The following DPP6 variants were observed in gnomAD, a reference collection of about 807,000 sequenced individuals.
The protein encoded by DPP6 is A-type potassium channel modulatory protein DPP6.
DPP6 carries 69 observed loss-of-function variants against 122.6 expected under a neutral mutation model. The observed-to-expected ratio is 0.56, with a 90% CI of 0.46 to 0.69. The LOEUF is 0.69. Ranked by LOEUF, DPP6 falls within the 30% of genes least tolerant of loss-of-function variation. DPP6 has a pLI of 0.00. For missense variants in DPP6, 928 were observed against 1,116.9 expected, an observed-to-expected ratio of 0.83 and a Z score of 2.41; for synonymous variants, 418 against 433.1, an observed-to-expected ratio of 0.97 and a Z score of 0.43.
Position 154,106,138 on chromosome 7 carries a change from A to G in DPP6, c.243+53075A>G, listed in dbSNP as rs1806146445. Among the ~76,000 whole-genome samples, 7 of 151,250 alleles carry G rather than the reference A, an allele frequency of 4.6e-5. No individual in the cohort carries two copies. In the South Asian group the frequency reaches 1.5e-3, roughly 32 times the overall value. On this transcript the variant is annotated intron_variant, in intron 1 of 25. Coordinates refer to ENST00000377770, the MANE Select transcript of DPP6 (RefSeq NM_130797.4). ...GCCTATGCGCCCTTGTTTCTTACTCAGAGATAAAAGTTCATTCAGAAAACA... is the reference window on the plus strand; with the variant it reads ...GCCTATGCGCCCTTGTTTCTTACTCGGAGATAAAAGTTCATTCAGAAAACA...
chr7:153,986,114 C>G (rs74840812), intron 1 of DPP6, among the ~76,000 whole-genome samples: 15,628 of 152,256 alleles, frequency 0.1, 1,061 homozygotes, highest in Middle Eastern at 0.16. Context: ...GTTACACATT[C>G]TGATGTCCGA....
Position 154,585,867 on chromosome 7 carries a change from T to TGGGGCGGGAGCCTACAGGAAGCTG in DPP6, c.627+18953_627+18976dup, listed in dbSNP as rs1444295500. 2.1e-3 allele frequency among the ~76,000 whole-genome samples: 316 copies of TGGGGCGGGAGCCTACAGGAAGCTG among 152,186 alleles called. 2 individuals are homozygous for TGGGGCGGGAGCCTACAGGAAGCTG. The highest frequency in any genetic ancestry group is 7.4e-3 in the African/African-American group (306 of 41,514). ...ACTGTAATTCTGAAGGAGGGGGCTT[T>TGGGGCGGGAGCCTACAGGAAGCTG]GGGGCGGGAGCCTACAGGAAGCTGG... On this transcript the variant is annotated intron_variant, in intron 5 of 25. Transcript: ENST00000377770.
rs553336702 is a variant in DPP6, at chr7:154,107,156, T to A, written c.243+54093T>A. On this transcript the variant is annotated intron_variant, in intron 1 of 25. Coordinates refer to ENST00000377770, the MANE Select transcript of DPP6 (RefSeq NM_130797.4). ...ACTCCCATGCTCACTGCAGCACTGTTCTGGATGGCCAGGATATGGAAACAT... is the reference window on the plus strand; with the variant it reads ...ACTCCCATGCTCACTGCAGCACTGTACTGGATGGCCAGGATATGGAAACAT... Among the ~76,000 whole-genome samples, 136 of 152,314 alleles carry A rather than the reference T, an allele frequency of 8.9e-4. 2 individuals carry two copies. In the Middle Eastern group the frequency reaches 0.01, roughly 11 times the overall value.
chr7:154,313,099 T>C (rs796857966), intron 1 of DPP6, among the ~76,000 whole-genome samples: 9 of 152,314 alleles, frequency 5.9e-5, no homozygotes, highest in African/African-American at 1.9e-4. Flanking sequence ...AGGAAACATA[T>C]TTTTAATTTT....
chr7:154,892,094 C>T (rs771306777), intron 25 of DPP6, among the ~76,000 whole-genome samples: 3 of 152,274 alleles, frequency 2.0e-5, no homozygotes, highest in Non-Finnish European at 4.4e-5. Context: ...GTTGGCTTCA[C>T]GAATGGGTGG....
chr7:154,431,534 CTTTTT>C (rs67861044), intron 1 of DPP6, among the ~76,000 whole-genome samples: 5 of 98,894 alleles, frequency 5.1e-5, no homozygotes, highest in African/African-American at 1.1e-4. Context: ...TTCTTTCTTT[CTTTTT>C]TTTTTTTTTT....
intron 1 of DPP6, among the ~76,000 whole-genome samples, chr7:154,067,570 G>A (rs1802820531): frequency 6.6e-6 from 1 of 152,096 alleles, no homozygotes; most frequent in South Asian, 2.1e-4. Context: ...AGATGGGCAG[G>A]GCACCATGGG....
intron 1 of DPP6, chr7:154,058,566 G>C (rs544570672): frequency 6.7e-6 from 1 of 149,522 alleles, no homozygotes; most frequent in Non-Finnish European, 1.5e-5. Context: ...GCAGAGGGGG[G>C]ACGCACCCCC....
intron 1 of DPP6, among the ~76,000 whole-genome samples, chr7:154,393,026 C>A (rs532099992): frequency 1.3e-5 from 2 of 152,356 alleles, no homozygotes; most frequent in African/African-American, 4.8e-5. Flanking sequence ...TGGAATTAGA[C>A]TGGCTTGATG....
At chr7:154,513,604 G>A (rs564785048) in intron 3 of DPP6, among the ~76,000 whole-genome samples, 1 of 152,248 alleles carries the variant, frequency 6.6e-6, no homozygotes, top group South Asian at 2.1e-4. Context: ...CTTTTCATCA[G>A]CTCTGATCAT....
chr7:154,728,280 C>A (rs1214419701), intron 8 of DPP6, among the ~76,000 whole-genome samples: 1 of 152,200 alleles, frequency 6.6e-6, no homozygotes, highest in African/African-American at 2.4e-5. Flanking sequence ...ATAAGTGCCT[C>A]GTTTTGCCTT....
chr7:154,436,866 T>C (rs1049868467), intron 1 of DPP6, among the ~76,000 whole-genome samples: 2 of 152,344 alleles, frequency 1.3e-5, no homozygotes, highest in Admixed American at 6.5e-5. Context: ...ACTCACTTAG[T>C]GTAGTTTGCC....
At chr7:154,870,622 A>C (rs569956038) in intron 18 of DPP6, among the ~76,000 whole-genome samples, 1 of 152,022 alleles carries the variant, frequency 6.6e-6, no homozygotes, top group East Asian at 2.0e-4. Flanking sequence ...CAAAAAACAA[A>C]CAAACAAACA....
intron 1 of DPP6, among the ~76,000 whole-genome samples, chr7:154,332,590 C>A (rs1014076370): frequency 6.6e-6 from 1 of 152,152 alleles, no homozygotes; most frequent in African/African-American, 2.4e-5. Flanking sequence ...GAGGAAAGTG[C>A]CAGCGCATTT....
At chr7:153,817,735 G>A in the DPP6 span, among the ~76,000 whole-genome samples, 7 of 141,306 alleles carry the variant, frequency 5.0e-5, no homozygotes, top group African/African-American at 1.8e-4. Flanking sequence ...TTGGACACAG[G>A]GTGGGGAACA....
At chr7:153,797,118 T>A in the DPP6 span, among the ~76,000 whole-genome samples, 1 of 152,158 alleles carries the variant, frequency 6.6e-6, no homozygotes, top group Non-Finnish European at 1.5e-5. Context: ...TGAAAGTGGA[T>A]CATTCCCATT....
intron 10 of DPP6, among the ~76,000 whole-genome samples, chr7:154,781,341 A>T (rs1232311276): frequency 1.3e-5 from 2 of 152,146 alleles, no homozygotes; most frequent in Non-Finnish European, 2.9e-5. Context: ...TTGAAAAAGG[A>T]TGCCGCAGTC....
chr7:154,390,789 C>G (rs1441373467), intron 1 of DPP6, among the ~76,000 whole-genome samples: 1 of 152,132 alleles, frequency 6.6e-6, no homozygotes, highest in Non-Finnish European at 1.5e-5. Flanking sequence ...TCATGACCCC[C>G]ATCCTGTATC....
intron 1 of DPP6, among the ~76,000 whole-genome samples, chr7:154,441,897 G>A (rs914034153): frequency 3.3e-4 from 51 of 152,290 alleles, no homozygotes; most frequent in African/African-American, 1.1e-3. Flanking sequence ...ATGACCAAAC[G>A]ACTCAGAAAA....
Sources: allele counts gnomAD v4.1 joint callset (sites outside exome capture counted in the v4.1 genomes callset), GRCh38; gene constraint gnomAD v4.1.1; transcripts MANE v1.5; gene names NCBI Gene and HGNC (gene_info 2026-07-23, HGNC 2026-07-21).